RNPEP: variants seen among roughly 807,000 people sequenced by gnomAD.
RNPEP encodes arginyl aminopeptidase, also known as aminopeptidase B.
RNPEP carries 57 observed loss-of-function variants against 70.1 expected under a neutral mutation model. That is an observed-to-expected ratio of 0.81 (90% confidence interval 0.66 to 1.01). The LOEUF is 1.01. Among genes scored for constraint, RNPEP ranks in the 50% least tolerant of loss-of-function variants. The probability of loss-of-function intolerance (pLI) is 0.00; values close to 1 mark genes in which losing one functional copy is unlikely to be tolerated. For synonymous variants in RNPEP, 335 were observed against 357.4 expected (o/e 0.94, Z 0.71); for missense variants, 787 against 852.4 (o/e 0.92, Z 0.96).
At position 201,982,674 on chromosome 1, in the gene RNPEP, G is replaced by T; in HGVS notation, c.8G>T (p.Ser3Ile). 1.5e-6 allele frequency: 2 copies of T among 1,375,754 alleles called. No individual in the cohort carries two copies. The highest frequency in any genetic ancestry group is 9.4e-7 in the Non-Finnish European group (1 of 1,059,984). The allele number at this position is 1,375,754 out of a possible 1,614,324, so 85.2% of individuals were successfully genotyped here. A position where few individuals can be genotyped will look rare whatever the true frequency, so the allele number is the denominator to read the frequency against. Reference sequence around the variant, plus strand: ...AGCAACGGCTCTGCGGCCATGGCGAGCGGCGAGCATTCCCCCGGCAGCGGC... The same window carrying T: ...AGCAACGGCTCTGCGGCCATGGCGATCGGCGAGCATTCCCCCGGCAGCGGC... MA[S>I]GEHSPGSGAA... Residue 3 changes from serine to isoleucine, a missense_variant, in exon 1 of 11, where the codon AGC becomes ATC. By Grantham distance (142) the Ser-to-Ile change is moderately radical. Coordinates refer to ENST00000295640, the MANE Select transcript of RNPEP (RefSeq NM_020216.4).
intron 1 of RNPEP, among the ~76,000 whole-genome samples, chr1:201,986,671 G>T (rs917021916): frequency 6.6e-6 from 1 of 151,574 alleles, no homozygotes; most frequent in Non-Finnish European, 1.5e-5. Context: ...CTCCGAAGTA[G>T]CTGGGACTAT....
rs982333484 is a variant in RNPEP at position 202,001,295 on chromosome 1, CTT to C, written c.1205-79_1205-78del. 6 of 977,974 alleles carry C rather than the reference CTT, an allele frequency of 6.1e-6. No individual in the cohort carries two copies. In the African/African-American group the frequency reaches 8.0e-5, roughly 13 times the overall value. 60.6% of individuals were successfully genotyped at this position (977,974 alleles called of 1,614,324 possible). On this transcript the variant is annotated intron_variant, in intron 6 of 10. Coordinates refer to ENST00000295640, the MANE Select transcript of RNPEP (RefSeq NM_020216.4). ...AATTCTGATCTCTTCCATCGCTAGT[CTT>C]TGACTGTGGAGCTAGAGAAGAACGT...
intron 4 of RNPEP, chr1:201,996,531 T>C: frequency 3.1e-6 from 1 of 320,190 alleles, no homozygotes; most frequent in East Asian, 7.7e-5. Flanking sequence ...TCTCGCTCTG[T>C]CACCCAGGCT....
intron 1 of RNPEP, among the ~76,000 whole-genome samples, chr1:201,987,997 G>A (rs1027218312): frequency 1.3e-5 from 2 of 151,514 alleles, no homozygotes; most frequent in Admixed American, 6.6e-5. Flanking sequence ...AAAATTAGTC[G>A]GATGTGGTGG....
intron 5 of RNPEP, 32 bp from the exon 6 acceptor site, chr1:201,999,870 T>C (rs967140028): frequency 2.5e-6 from 4 of 1,570,646 alleles, no homozygotes; most frequent in Non-Finnish European, 3.5e-6. Flanking sequence ...TGACAGACGT[T>C]TTCCCGAGGC....
At chr1:201,989,607 G>A (rs762334223) in intron 3 of RNPEP, 76 bp downstream of exon 3, 7 of 1,526,872 alleles carry the variant, frequency 4.6e-6, no homozygotes, top group Admixed American at 1.8e-5. Flanking sequence ...TGGACCTGCT[G>A]GGGGGGTTCT....
At position 201,983,016 on chromosome 1, in the gene RNPEP, A is replaced by G. The variant is rs1251146010; in HGVS notation, c.350A>G (p.His117Arg). ...PVSFYTQPFS[H>R]YGQALCVSFP... Reference sequence around the variant, plus strand: ...AGCTTCTACACGCAGCCCTTCTCGCACTATGGCCAGGCCCTGTGCGTGTCC... The same window carrying G: ...AGCTTCTACACGCAGCCCTTCTCGCGCTATGGCCAGGCCCTGTGCGTGTCC... The change falls in exon 1 of 11, where the codon CAC (histidine) becomes CGC (arginine). Residue 117 changes from histidine (H) to arginine (R), a missense_variant. Transcript: ENST00000295640. 1.3e-6 allele frequency: 2 copies of G among 1,524,562 alleles called. No homozygotes were observed. The highest frequency in any genetic ancestry group is 1.8e-6 in the Non-Finnish European group (2 of 1,138,068). 94.4% of individuals were successfully genotyped at this position (1,524,562 alleles called of 1,614,324 possible). A position where few individuals can be genotyped will look rare whatever the true frequency, so the allele number is the denominator to read the frequency against.
intron 3 of RNPEP, among the ~76,000 whole-genome samples, chr1:201,992,663 C>T (rs760639776): frequency 3.9e-5 from 6 of 152,106 alleles, no homozygotes; most frequent in Admixed American, 1.3e-4. Flanking sequence ...TGGTTGGTTA[C>T]CTCTTACCAA....
chr1:201,982,820 C>G lies in RNPEP; in HGVS notation c.154C>G (p.Pro52Ala). The G allele has an allele frequency of 7.5e-7, 1 of 1,333,746 alleles. No individual in the cohort carries two copies. Among genetic ancestry groups the G allele is most frequent in the Non-Finnish European group, 9.6e-7 (1 of 1,042,304 alleles). 82.6% of individuals were successfully genotyped at this position (1,333,746 alleles called of 1,614,324 possible). Residue 52 changes from proline to alanine, a missense_variant, in exon 1 of 11, where the codon CCC (proline) becomes GCC (alanine). Pro to Ala is a conservative substitution (Grantham distance 27). Transcript: ENST00000295640. ...DLRAEFGPPG[P>A]GAGSRGLSGT... Reference sequence around the variant, plus strand: ...GCGGGCTGAGTTCGGGCCTCCAGGGCCCGGCGCAGGGAGCCGGGGGCTGAG... The same window carrying G: ...GCGGGCTGAGTTCGGGCCTCCAGGGGCCGGCGCAGGGAGCCGGGGGCTGAG...
At chr1:202,002,266 C>T (rs1462306639) in intron 8 of RNPEP, among the ~76,000 whole-genome samples, 1 of 151,598 alleles carries the variant, frequency 6.6e-6, no homozygotes, top group Admixed American at 6.6e-5. Context: ...CGGGTTCAAG[C>T]GATTCTCCTG....
chr1:202,000,706 C>G (rs1036226539), intron 6 of RNPEP, among the ~76,000 whole-genome samples: 1 of 151,962 alleles, frequency 6.6e-6, no homozygotes, highest in African/African-American at 2.4e-5. Context: ...ACCAGCCTAG[C>G]CAATATGGAG....
At chr1:201,991,325 G>A (rs6691690) in intron 3 of RNPEP, among the ~76,000 whole-genome samples, 38,072 of 151,934 alleles carry the variant, frequency 0.25, 5,012 homozygotes, top group South Asian at 0.39. Context: ...ATGTTGGCCA[G>A]GCTAGTCTTG....
At chr1:201,993,346 C>T (rs1683412838) in intron 3 of RNPEP, among the ~76,000 whole-genome samples, 1 of 152,156 alleles carries the variant, frequency 6.6e-6, no homozygotes, top group Non-Finnish European at 1.5e-5. Flanking sequence ...CTTGTAATCC[C>T]AGCACTTTGG....
At chr1:201,986,055 G>T (rs1683120613) in intron 1 of RNPEP, among the ~76,000 whole-genome samples, 1 of 152,138 alleles carries the variant, frequency 6.6e-6, no homozygotes, top group South Asian at 2.1e-4. Flanking sequence ...AGCCCAAGTA[G>T]CTGGGACTAC....
chr1:202,001,984 T>C (rs946397481), intron 8 of RNPEP, among the ~76,000 whole-genome samples: 1 of 152,004 alleles, frequency 6.6e-6, no homozygotes, highest in Non-Finnish European at 1.5e-5. Context: ...GTTTCCTTAC[T>C]CTCTCCTCTC....
intron 1 of RNPEP, 116 bp downstream of exon 1, chr1:201,983,229 G>C (rs1468283999): frequency 7.0e-7 from 1 of 1,422,180 alleles, no homozygotes; most frequent in African/African-American, 1.5e-5. Context: ...CTTCCAGAGC[G>C]TCCCTAGAGG....
At chr1:201,997,604 G>A in intron 5 of RNPEP, 50 bp downstream of exon 5, 2 of 1,424,214 alleles carry the variant, frequency 1.4e-6, no homozygotes, top group South Asian at 2.4e-5. Flanking sequence ...TTCTTAACCT[G>A]TGGGGCCAGT....
At chr1:201,996,104 G>C (rs1558263931) in intron 3 of RNPEP, 43 bp from the exon 4 acceptor site, 1 of 1,512,556 alleles carries the variant, frequency 6.6e-7, no homozygotes, top group Non-Finnish European at 9.2e-7. Context: ...CACTGCGATG[G>C]TCTCTAAACA....
At position 201,985,898 on chromosome 1, in the gene RNPEP, C is replaced by G. The variant is rs538329762; in HGVS notation, c.447+2785C>G. ...CTTGGGACTGTGACAGTTTCTCAAA[C>G]TTTCCTTGTTTTTGATATAACTTTG... is the stretch of plus-strand genomic sequence containing the variant. On this transcript the variant is annotated intron_variant, in intron 1 of 10. Coordinates refer to ENST00000295640, the MANE Select transcript of RNPEP (RefSeq NM_020216.4). 3.8e-4 allele frequency among the ~76,000 whole-genome samples: 58 copies of G among 152,228 alleles called. 1 individual carries two copies. The South Asian group carries it at 0.012, about 31-fold the overall frequency.
Sources: gnomAD v4.1 joint callset for allele counts (sites outside exome capture counted in the v4.1 genomes callset) on GRCh38, gnomAD v4.1.1 for gene constraint, MANE v1.5 for transcripts, NCBI Gene and HGNC (gene_info 2026-07-23, HGNC 2026-07-21) for gene names.